The following TTC17 variants were observed in gnomAD, a reference collection of about 807,000 sequenced individuals.
TTC17 encodes tetratricopeptide repeat domain 17.
Under a neutral mutation model 143.8 loss-of-function variants are expected in TTC17, and 58 were observed. The ratio of observed to expected loss-of-function variants is 0.40; its 90% confidence interval spans 0.33 to 0.50. The LOEUF (loss-of-function observed/expected upper bound fraction) is 0.50. TTC17 is among the 20% of genes least tolerant of loss of function. The pLI is 0.49. For synonymous variants in TTC17, 501 were observed against 497.8 expected (o/e 1.01, Z -0.09); for missense variants, 1,273 against 1,392.5 (o/e 0.91, Z 1.37).
At chr11:43,485,646 T>C (rs886727178) in intron 21 of TTC17, among the ~76,000 whole-genome samples, 2 of 152,070 alleles carry the variant, frequency 1.3e-5, no homozygotes, top group Admixed American at 6.6e-5. Flanking sequence ...ATTAAAGATA[T>C]TAACAGGCAT....
chr11:43,437,609 T>C (rs1328102551), intron 16 of TTC17, among the ~76,000 whole-genome samples: 1 of 152,188 alleles, frequency 6.6e-6, no homozygotes, highest in Non-Finnish European at 1.5e-5. Context: ...ACAAAAATGC[T>C]GTATAGAGTG....
intron 21 of TTC17, among the ~76,000 whole-genome samples, chr11:43,483,791 T>C (rs1459976953): frequency 6.6e-6 from 1 of 152,212 alleles, no homozygotes; most frequent in Non-Finnish European, 1.5e-5. Context: ...GAATGCAGAC[T>C]ATCACCACTT....
In TTC17 at chr11:43,446,041, G is replaced by C. The variant is rs987367408; in HGVS notation, c.2665+1832G>C. 6 of 1,528,794 alleles carry C rather than the reference G, an allele frequency of 3.9e-6. No homozygotes were observed. In the African/African-American group the frequency reaches 5.5e-5, roughly 14 times the overall value. The allele number at this position is 1,528,794 out of a possible 1,614,324, so 94.7% of individuals were successfully genotyped here. ...ATCCTTGTGAACCAGATGGAGAGAT[G>C]TGGGCTTGAAGCCTTCCCATTGCCT... On this transcript the variant is annotated intron_variant, in intron 18 of 23. Coordinates refer to ENST00000039989, the MANE Select transcript of TTC17 (RefSeq NM_018259.6).
chr11:43,476,059 T>C (rs1015408379), intron 21 of TTC17, among the ~76,000 whole-genome samples: 1 of 152,218 alleles, frequency 6.6e-6, no homozygotes, highest in Admixed American at 6.5e-5. Context: ...CTAGAGGTAA[T>C]GACAGATCCA....
At chr11:43,392,212 A>T (rs1363325841) in intron 5 of TTC17, among the ~76,000 whole-genome samples, 1 of 152,230 alleles carries the variant, frequency 6.6e-6, no homozygotes, top group Non-Finnish European at 1.5e-5. Context: ...CATAAGCAAC[A>T]GCGTTTATAG....
intron 21 of TTC17, among the ~76,000 whole-genome samples, chr11:43,467,402 G>T (rs1285378710): frequency 2.8e-4 from 43 of 152,178 alleles, no homozygotes; most frequent in Non-Finnish European, 4.4e-5. Flanking sequence ...AACGGTAAGT[G>T]AAATAAGCCA....
chr11:43,490,230 C>G lies in TTC17; in HGVS notation c.3031-9C>G. ...AAGGACACCAGCCTTGGCTAACATT[C>G]CTTTGCAGAACCAGACGTCCTGGGT... On this transcript the variant is annotated splice_polypyrimidine_tract_variant and intron_variant, in intron 21 of 23. Transcript: ENST00000039989. The G allele has an allele frequency of 1.2e-6, 2 of 1,600,778 alleles. No individual in the cohort carries two copies. The highest frequency in any genetic ancestry group is 1.7e-6 in the Non-Finnish European group (2 of 1,171,208).
rs1173413544 is a variant in TTC17 at position 43,389,841 on chromosome 11, A to G, written c.419+20A>G. Reference sequence around the variant, plus strand: ...CATCAGGTAAAGAAGTTCTCTTTCCAAAAATAAAATTGCTGTTTCAAACAT... The same window carrying G: ...CATCAGGTAAAGAAGTTCTCTTTCCGAAAATAAAATTGCTGTTTCAAACAT... On this transcript the variant is annotated intron_variant, in intron 3 of 23. Transcript: ENST00000039989. 1 of 1,563,076 alleles carries G rather than the reference A, an allele frequency of 6.4e-7. No homozygotes were observed. Among genetic ancestry groups the G allele is most frequent in the Middle Eastern group, 1.7e-4 (1 of 5,812 alleles).
chr11:43,393,706 G>A (rs867926305), intron 5 of TTC17, among the ~76,000 whole-genome samples: 1 of 152,094 alleles, frequency 6.6e-6, no homozygotes, highest in East Asian at 1.9e-4. Context: ...CTATCTGGGG[G>A]CCACCTGCCT....
Position 43,397,431 on chromosome 11 carries a change from T to C in TTC17, c.858T>C (p.His286=). ...CTGCTGATGCTGCTGTCGTGGTCCA[T>C]GCAGCTCTGGATGACAGTGACTTCT... is the stretch of plus-strand genomic sequence containing the variant. ...HFSADAAVVV[H]AALDDSDFFT... is the part of the protein sequence containing the mutation. Residue 286 remains histidine, a synonymous_variant, in exon 7 of 24, where the codon CAT becomes CAC. Transcript: ENST00000039989. 1.2e-6 allele frequency: 2 copies of C among 1,613,606 alleles called. No homozygotes were observed. The highest frequency in any genetic ancestry group is 1.7e-6 in the Non-Finnish European group (2 of 1,179,996).
At chr11:43,405,207 G>C (rs551182097) in intron 11 of TTC17, among the ~76,000 whole-genome samples, 3 of 139,290 alleles carry the variant, frequency 2.2e-5, no homozygotes, top group Non-Finnish European at 4.6e-5. Flanking sequence ...ATGATTTTTT[G>C]TTCATATGTA....
intron 21 of TTC17, among the ~76,000 whole-genome samples, chr11:43,478,441 C>T (rs1443882727): frequency 6.6e-6 from 1 of 152,074 alleles, no homozygotes; most frequent in Non-Finnish European, 1.5e-5. Flanking sequence ...GAGTTTTTAT[C>T]TTTTAGAGGC....
intron 16 of TTC17, among the ~76,000 whole-genome samples, chr11:43,428,415 C>A (rs1947077913): frequency 6.6e-6 from 1 of 152,132 alleles, no homozygotes; most frequent in Admixed American, 6.5e-5. Flanking sequence ...GATATGTAAT[C>A]TGATCATTTA....
At chr11:43,396,928 A>C in intron 6 of TTC17, 110 bp downstream of exon 6, 1 of 513,068 alleles carries the variant, frequency 1.9e-6, no homozygotes. Context: ...ACTTTTCTCC[A>C]TCCCTGTTCA....
intron 21 of TTC17, among the ~76,000 whole-genome samples, chr11:43,484,939 C>T (rs951690355): frequency 4.0e-5 from 6 of 151,834 alleles, no homozygotes; most frequent in African/African-American, 7.3e-5. Flanking sequence ...CTAGGTTGCA[C>T]GGAAGTTCCT....
In TTC17 at chr11:43,452,227, C is replaced by T. The variant is rs115909530; in HGVS notation, c.3030+962C>T. On this transcript the variant is annotated intron_variant, in intron 21 of 23. Transcript: ENST00000039989. ...AAAATAAAAGAAAACCGGTCGGGCC[C>T]GGTGGCTCACACCTGTAATCCCAGC... Among the ~76,000 whole-genome samples, 360 of 152,296 alleles carry T rather than the reference C, an allele frequency of 2.4e-3. 3 individuals carry two copies. The highest frequency in any genetic ancestry group is 6.0e-3 in the South Asian group (29 of 4,820).
chr11:43,474,408 A>G (rs2134841387), intron 21 of TTC17, among the ~76,000 whole-genome samples: 1 of 152,358 alleles, frequency 6.6e-6, no homozygotes, highest in East Asian at 1.9e-4. Context: ...GGTTTTCCAT[A>G]GAGGAAAGAA....
intron 1 of TTC17, among the ~76,000 whole-genome samples, chr11:43,361,428 G>A (rs1271793363): frequency 6.6e-6 from 1 of 152,184 alleles, no homozygotes; most frequent in Non-Finnish European, 1.5e-5. Context: ...TGCATTTAAT[G>A]TACCTACCAA....
chr11:43,422,217 G>A (rs1946922962), intron 16 of TTC17, among the ~76,000 whole-genome samples: 1 of 152,192 alleles, frequency 6.6e-6, no homozygotes, highest in African/African-American at 2.4e-5. Context: ...CTTAAATTTG[G>A]AACCTGAGCA....
Sources: gnomAD v4.1 joint callset for allele counts (sites outside exome capture counted in the v4.1 genomes callset) on GRCh38, gnomAD v4.1.1 for gene constraint, MANE v1.5 for transcripts, NCBI Gene and HGNC (gene_info 2026-07-23, HGNC 2026-07-21) for gene names.